INSYN2A: variants seen among roughly 807,000 people sequenced by gnomAD.
INSYN2A encodes the protein family with sequence similarity 196 member A.
INSYN2A carries 17 observed loss-of-function variants against 39.4 expected under a neutral mutation model. The observed-to-expected ratio is 0.43, with a 90% CI of 0.30 to 0.65. The LOEUF is 0.65. INSYN2A is among the 30% of genes least tolerant of loss of function. INSYN2A has a pLI of 0.14. For synonymous variants in INSYN2A, 255 were observed against 265.7 expected, an observed-to-expected ratio of 0.96 and a Z score of 0.39; for missense variants, 595 against 631.2, an observed-to-expected ratio of 0.94 and a Z score of 0.61.
chr10:127,137,263 A>G lies in INSYN2A; in HGVS notation c.*574T>C, dbSNP rs2050780921. ...GTCACTTGGCTTAGCGCTATAGCAC[A>G]TGAAGGCAAATATACATATAGTCAC... On this transcript the variant is annotated 3_prime_UTR_variant, in exon 6 of 6. Transcript: ENST00000522781. The G allele has an allele frequency of 6.5e-6, 1 of 152,716 alleles. No individual in the cohort carries two copies. Among genetic ancestry groups the G allele is most frequent in the African/African-American group, 2.4e-5 (1 of 41,460 alleles). The allele number at this position is 152,716 out of a possible 1,614,324, so 9.5% of individuals were successfully genotyped here. A position where few individuals can be genotyped will look rare whatever the true frequency, so the allele number is the denominator to read the frequency against.
rs960932933 is a variant in INSYN2A at position 127,137,130 on chromosome 10, G to A, written c.*707C>T. 2 of 152,610 alleles carry A rather than the reference G, an allele frequency of 1.3e-5. No homozygotes were observed. The highest frequency in any genetic ancestry group is 2.9e-5 in the Non-Finnish European group (2 of 68,036). 9.5% of individuals were successfully genotyped at this position (152,610 alleles called of 1,614,324 possible). On this transcript the variant is annotated 3_prime_UTR_variant, in exon 6 of 6. Coordinates refer to ENST00000522781, the MANE Select transcript of INSYN2A (RefSeq NM_001039762.3). ...GTGATTAAAGGCATATCCTGACTTTGGGGGACTCCTGGCTGCTGGCCATTT... is the reference window on the plus strand; with the variant it reads ...GTGATTAAAGGCATATCCTGACTTTAGGGGACTCCTGGCTGCTGGCCATTT...
intron 2 of INSYN2A, among the ~76,000 whole-genome samples, chr10:127,188,182 T>C (rs1282511682): frequency 6.6e-6 from 1 of 152,326 alleles, no homozygotes; most frequent in Admixed American, 6.5e-5. Context: ...ACAGAGTGTC[T>C]GTGCCCTGGC....
At chr10:127,151,572 G>T (rs2133470018) in intron 5 of INSYN2A, among the ~76,000 whole-genome samples, 1 of 152,250 alleles carries the variant, frequency 6.6e-6, no homozygotes, top group Middle Eastern at 3.4e-3. Context: ...TGACAGTCGG[G>T]TCTGCAGGCT....
rs1417738977 is a variant in INSYN2A at position 127,176,505 on chromosome 10, T to G, written c.-5-105A>C. On this transcript the variant is annotated intron_variant, in intron 3 of 5. Coordinates refer to ENST00000522781, the MANE Select transcript of INSYN2A (RefSeq NM_001039762.3). This position sits in a 1 kb window ranked among gnomAD's most constrained non-coding sequence, Gnocchi z 4.4. ...CCACGACGACTGCCTGTTTCCTAAT[T>G]ATATTTAAGCAGGTGAGGTCGGCCT... The G allele has an allele frequency of 2.1e-6, 2 of 940,418 alleles. No individual in the cohort carries two copies. Among genetic ancestry groups the G allele is most frequent in the Non-Finnish European group, 3.2e-6 (2 of 632,234 alleles). The allele number at this position is 940,418 out of a possible 1,614,324, so 58.3% of individuals were successfully genotyped here. A position where few individuals can be genotyped will look rare whatever the true frequency, so the allele number is the denominator to read the frequency against.
At chr10:127,191,809 G>A (rs7896858) in intron 2 of INSYN2A, among the ~76,000 whole-genome samples, 7,031 of 152,278 alleles carry the variant, frequency 0.046, 266 homozygotes, top group East Asian at 0.17. Flanking sequence ...TTCTCTCTGG[G>A]ATGTGCCTGT....
At chr10:127,139,858 T>C (rs753180207) in intron 5 of INSYN2A, among the ~76,000 whole-genome samples, 1 of 152,190 alleles carries the variant, frequency 6.6e-6, no homozygotes, top group Non-Finnish European at 1.5e-5. Flanking sequence ...TAAGATGCAA[T>C]TTAAATATTA....
Position 127,176,463 on chromosome 10 carries a change from G to C in INSYN2A, c.-5-63C>G. On this transcript the variant is annotated intron_variant, in intron 3 of 5. Transcript: ENST00000522781. The surrounding 1 kb of genome is among the most constrained non-coding windows in gnomAD (Gnocchi z 4.4). Reference sequence around the variant, plus strand: ...AGAAATACACACTCAAGCACCGGCCGCACAAACTTTTAGCCACCACGACGA... The same window carrying C: ...AGAAATACACACTCAAGCACCGGCCCCACAAACTTTTAGCCACCACGACGA... The C allele has an allele frequency of 7.3e-7, 1 of 1,377,578 alleles. No homozygotes were observed. The highest frequency in any genetic ancestry group is 9.8e-7 in the Non-Finnish European group (1 of 1,015,276). The allele number at this position is 1,377,578 out of a possible 1,614,324, so 85.3% of individuals were successfully genotyped here.
At chr10:127,156,586 A>G (rs1483366034) in intron 4 of INSYN2A, among the ~76,000 whole-genome samples, 809 of 59,710 alleles carry the variant, frequency 0.014, 4 homozygotes, top group Admixed American at 0.027. Context: ...TTTTTTTTTG[A>G]GACCAAGTTT....
intron 5 of INSYN2A, among the ~76,000 whole-genome samples, chr10:127,142,006 A>G (rs1343060122): frequency 6.6e-6 from 1 of 152,178 alleles, no homozygotes; most frequent in Admixed American, 6.5e-5. Context: ...CTTGGATAGA[A>G]TGGGTGGGGC....
Position 127,176,746 on chromosome 10 carries a change from G to A in INSYN2A, c.-6+131C>T, listed in dbSNP as rs1040482060. On this transcript the variant is annotated intron_variant, in intron 3 of 5. Coordinates refer to ENST00000522781, the MANE Select transcript of INSYN2A (RefSeq NM_001039762.3). The surrounding 1 kb of genome is among the most constrained non-coding windows in gnomAD (Gnocchi z 4.4). ...TGCTTTGCAAATTATCTTTTCACAC[G>A]CGTGACTCCCCTTCTTAGGCAGATG... is the stretch of plus-strand genomic sequence containing the variant. 6.5e-5 allele frequency: 13 copies of A among 199,220 alleles called. No individual in the cohort carries two copies. Among genetic ancestry groups the A allele is most frequent in the South Asian group, 1.4e-4 (1 of 6,998 alleles). The allele number at this position is 199,220 out of a possible 1,614,324, so 12.3% of individuals were successfully genotyped here. A position where few individuals can be genotyped will look rare whatever the true frequency, so the allele number is the denominator to read the frequency against.
intron 5 of INSYN2A, among the ~76,000 whole-genome samples, chr10:127,140,445 G>A (rs575805122): frequency 2.6e-4 from 39 of 152,212 alleles, no homozygotes; most frequent in Admixed American, 5.2e-4. Context: ...CCTGAGGTCC[G>A]CCCCCCAGCC....
At chr10:127,156,541 C>T (rs1273253459) in intron 4 of INSYN2A, among the ~76,000 whole-genome samples, 1 of 65,136 alleles carries the variant, frequency 1.5e-5, no homozygotes, top group African/African-American at 8.7e-5. Context: ...TCTTTTTCTT[C>T]TTCTTCTTCT....
intron 2 of INSYN2A, among the ~76,000 whole-genome samples, chr10:127,189,905 G>A (rs1319497191): frequency 1.3e-5 from 2 of 152,144 alleles, no homozygotes. Context: ...AGAGATCAAT[G>A]GAGTTGAAGT....
At chr10:127,159,287 C>A (rs1265846717) in intron 4 of INSYN2A, among the ~76,000 whole-genome samples, 1 of 152,188 alleles carries the variant, frequency 6.6e-6, no homozygotes, top group Non-Finnish European at 1.5e-5. Flanking sequence ...GCTTACAGAA[C>A]ACAGCGTGGA....
intron 5 of INSYN2A, among the ~76,000 whole-genome samples, chr10:127,141,284 G>A (rs2051216227): frequency 6.6e-6 from 1 of 152,182 alleles, no homozygotes; most frequent in Admixed American, 6.5e-5. Flanking sequence ...CTCGAATGCA[G>A]GCACCATAAT....
chr10:127,180,415 G>T (rs80344689), intron 2 of INSYN2A, among the ~76,000 whole-genome samples: 1,992 of 152,256 alleles, frequency 0.013, 13 homozygotes, highest in Middle Eastern at 0.02. Context: ...TTTATTTTTC[G>T]TAAGAAAATT....
At chr10:127,161,898 A>G (rs116683051) in intron 4 of INSYN2A, among the ~76,000 whole-genome samples, 329 of 152,340 alleles carry the variant, frequency 2.2e-3, no homozygotes, top group African/African-American at 7.0e-3. Flanking sequence ...TCTCAGATCT[A>G]TGGGGGTTGG....
At chr10:127,190,809 T>G (rs1209056924) in intron 2 of INSYN2A, among the ~76,000 whole-genome samples, 1 of 151,568 alleles carries the variant, frequency 6.6e-6, no homozygotes, top group African/African-American at 2.4e-5. Flanking sequence ...CCAGAAGGTT[T>G]TACTCATAGC....
intron 5 of INSYN2A, among the ~76,000 whole-genome samples, chr10:127,143,595 C>A (rs1368180704): frequency 6.6e-6 from 1 of 152,164 alleles, no homozygotes. Flanking sequence ...GTAGGACCAG[C>A]CATGTCCCCA....
Sources: gnomAD v4.1 joint callset for allele counts (sites outside exome capture counted in the v4.1 genomes callset) on GRCh38, gnomAD v4.1.1 for gene constraint, Gnocchi (gnomAD v3.1) non-coding constraint, MANE v1.5 for transcripts, NCBI Gene and HGNC (gene_info 2026-07-23, HGNC 2026-07-21) for gene names.